The following SENP7 variants were observed in gnomAD, a reference collection of about 807,000 sequenced individuals.
SENP7 encodes the protein SUMO specific peptidase 7.
Under a neutral mutation model 141.2 loss-of-function variants are expected in SENP7, and 64 were observed. The ratio of observed to expected loss-of-function variants is 0.45; its 90% CI spans 0.37 to 0.56. SENP7 has a LOEUF of 0.56. Ranked by LOEUF, SENP7 falls within the 20% of genes least tolerant of loss-of-function variation. The pLI is 0.00. For synonymous variants in SENP7, 382 were observed against 426.4 expected, an observed-to-expected ratio of 0.90 and a Z score of 1.28; for missense variants, 1,025 against 1,212.2, an observed-to-expected ratio of 0.85 and a Z score of 2.29.
intron 16 of SENP7, among the ~76,000 whole-genome samples, chr3:101,338,375 T>TA (rs989486217): frequency 2.0e-5 from 3 of 152,170 alleles, no homozygotes; most frequent in Non-Finnish European, 4.4e-5. Flanking sequence ...AAAATGTTAA[T>TA]AACTGTGTGA....
chr3:101,396,252 A>G (rs979855620), intron 6 of SENP7, among the ~76,000 whole-genome samples: 2 of 152,198 alleles, frequency 1.3e-5, no homozygotes, highest in African/African-American at 4.8e-5. Flanking sequence ...TTGGGGAATG[A>G]CCAGAAATAT....
intron 4 of SENP7, among the ~76,000 whole-genome samples, chr3:101,439,964 C>T (rs1228812042): frequency 1.2e-4 from 8 of 67,168 alleles, no homozygotes; most frequent in East Asian, 4.6e-4. Context: ...GTCAGCCCTC[C>T]GCCCGGCCAG....
At chr3:101,341,364 A>T (rs1051642591) in intron 15 of SENP7, among the ~76,000 whole-genome samples, 2 of 152,216 alleles carry the variant, frequency 1.3e-5, no homozygotes, top group Non-Finnish European at 1.5e-5. Context: ...TTAAAATCAT[A>T]CATTGCTACT....
intron 3 of SENP7, among the ~76,000 whole-genome samples, chr3:101,469,945 T>C (rs529796760): frequency 4.6e-4 from 70 of 151,714 alleles, no homozygotes; most frequent in African/African-American, 1.5e-3. Flanking sequence ...CACAACTACA[T>C]GGAAAGTGAA....
intron 6 of SENP7, among the ~76,000 whole-genome samples, chr3:101,397,520 A>G (rs1259361291): frequency 6.6e-6 from 1 of 152,220 alleles, no homozygotes; most frequent in Non-Finnish European, 1.5e-5. Context: ...TGAAATTCTC[A>G]TTTTGGGGGG....
chr3:101,377,932 T>G (rs946261554), intron 6 of SENP7, among the ~76,000 whole-genome samples: 2 of 152,196 alleles, frequency 1.3e-5, no homozygotes, highest in South Asian at 4.1e-4. Flanking sequence ...TTGCAATTTT[T>G]TGAATTTTTG....
intron 4 of SENP7, among the ~76,000 whole-genome samples, chr3:101,442,846 C>T (rs1467715653): frequency 6.9e-6 from 1 of 144,386 alleles, no homozygotes; most frequent in Non-Finnish European, 1.5e-5. Flanking sequence ...ACCAGTCAGA[C>T]AAAAAAAAAA....
chr3:101,505,682 A>C (rs1389212659), intron 1 of SENP7, among the ~76,000 whole-genome samples: 1 of 152,176 alleles, frequency 6.6e-6, no homozygotes, highest in Non-Finnish European at 1.5e-5. Flanking sequence ...TACATATTTT[A>C]AAGCTAGACA....
chr3:101,325,793 T>G lies in SENP7; in HGVS notation c.*150A>C. On this transcript the variant is annotated 3_prime_UTR_variant, in exon 24 of 24. Coordinates refer to ENST00000394095, the MANE Select transcript of SENP7 (RefSeq NM_020654.5). ...TATGAGATCCCAACAATTCTAATAATGTGTCCTACATATTTTAAATAATGT... is the reference window on the plus strand; with the variant it reads ...TATGAGATCCCAACAATTCTAATAAGGTGTCCTACATATTTTAAATAATGT... The G allele has an allele frequency of 1.8e-6, 1 of 554,092 alleles. No individual in the cohort carries two copies. Among genetic ancestry groups the G allele is most frequent in the Admixed American group, 3.9e-5 (1 of 25,616 alleles). The allele number at this position is 554,092 out of a possible 1,614,324, so 34.3% of individuals were successfully genotyped here.
chr3:101,411,879 C>A (rs1025211678), intron 5 of SENP7, among the ~76,000 whole-genome samples: 1 of 152,056 alleles, frequency 6.6e-6, no homozygotes, highest in Non-Finnish European at 1.5e-5. Flanking sequence ...TAAACCAAAG[C>A]AGAAACAAAT....
intron 1 of SENP7, among the ~76,000 whole-genome samples, chr3:101,509,521 G>C (rs56290975): frequency 0.4 from 60,391 of 151,886 alleles, 12,519 homozygotes; most frequent in Admixed American, 0.54. Context: ...CTCTTCCTCC[G>C]CACTTTGAAA....
At chr3:101,451,223 A>T (rs557891261) in intron 4 of SENP7, among the ~76,000 whole-genome samples, 14 of 152,348 alleles carry the variant, frequency 9.2e-5, no homozygotes, top group Admixed American at 3.9e-4. Context: ...GGCAATAATT[A>T]GTAGCTTACC....
intron 2 of SENP7, among the ~76,000 whole-genome samples, chr3:101,497,277 T>C (rs890553861): frequency 1.3e-5 from 2 of 152,178 alleles, no homozygotes; most frequent in South Asian, 2.1e-4. Flanking sequence ...AATAGACATA[T>C]GTATGTTGTA....
At chr3:101,357,054 G>A (rs1427130366) in intron 11 of SENP7, among the ~76,000 whole-genome samples, 2 of 151,882 alleles carry the variant, frequency 1.3e-5, no homozygotes, top group African/African-American at 2.4e-5. Flanking sequence ...AGGCTGGAGT[G>A]CAATGGCGCA....
chr3:101,471,452 T>C (rs1464855030), intron 3 of SENP7, among the ~76,000 whole-genome samples: 32 of 152,182 alleles, frequency 2.1e-4, no homozygotes, highest in Admixed American at 1.4e-3. Flanking sequence ...TAGCCATATG[T>C]AGAAAACTGA....
rs1178898207 is a variant in SENP7, at chr3:101,331,997, T to C, written c.2686A>G (p.Asn896Asp). Residue 896 changes from asparagine to aspartate, a missense_variant, in exon 19 of 24, where the codon AAC becomes GAC. Coordinates refer to ENST00000394095, the MANE Select transcript of SENP7 (RefSeq NM_020654.5). ...TTATGGATGTCACCTATTGTTTTGT[T>C]GTCATTTTGGGACTGCTGAGCCTGG... ...QSQAQQSQNDNKTIDNDLRTT... is the reference protein window; with the variant it reads ...QSQAQQSQNDDKTIDNDLRTT... The C allele has an allele frequency of 6.2e-7, 1 of 1,613,490 alleles. No homozygotes were observed. Among genetic ancestry groups the C allele is most frequent in the African/African-American group, 1.3e-5 (1 of 75,000 alleles).
intron 14 of SENP7, among the ~76,000 whole-genome samples, chr3:101,343,162 G>A (rs186101854): frequency 3.2e-4 from 49 of 152,224 alleles, no homozygotes; most frequent in Admixed American, 3.1e-3. Flanking sequence ...TGATAACTTG[G>A]TTAAAGTGAT....
At chr3:101,377,169 T>G (rs1484958696) in intron 6 of SENP7, among the ~76,000 whole-genome samples, 1 of 151,970 alleles carries the variant, frequency 6.6e-6, no homozygotes, top group South Asian at 2.1e-4. Context: ...TCAAACGAAG[T>G]GCAATACACA....
chr3:101,428,021 T>C (rs192444525), intron 4 of SENP7, among the ~76,000 whole-genome samples: 1 of 152,236 alleles, frequency 6.6e-6, no homozygotes, highest in Non-Finnish European at 1.5e-5. Flanking sequence ...GCAAAGGACA[T>C]GAAATCATCC....
Sources: gnomAD v4.1 joint callset for allele counts (sites outside exome capture counted in the v4.1 genomes callset) on GRCh38, gnomAD v4.1.1 for gene constraint, MANE v1.5 for transcripts, NCBI Gene and HGNC (gene_info 2026-07-23, HGNC 2026-07-21) for gene names.